PCNT: variants seen among roughly 807,000 people sequenced by gnomAD.
PCNT encodes the protein pericentrin, also known as kendrin.
Under a neutral mutation model 380.4 loss-of-function variants are expected in PCNT, and 319 were observed. The ratio of observed to expected loss-of-function variants is 0.84; its 90% confidence interval spans 0.77 to 0.92. The LOEUF (loss-of-function observed/expected upper bound fraction) is 0.92. PCNT is among the 40% of genes least tolerant of loss of function. The pLI is 0.00. For synonymous variants in PCNT, 1,845 were observed against 1,735.2 expected (o/e 1.06, Z -1.57); for missense variants, 4,400 against 4,255.3 (o/e 1.03, Z -0.95).
At chr21:46,368,943 G>A (rs2085024235) in intron 15 of PCNT, among the ~76,000 whole-genome samples, 1 of 152,256 alleles carries the variant, frequency 6.6e-6, no homozygotes, top group South Asian at 2.1e-4. Context: ...TGACTGTGGG[G>A]AACAGTTGTG....
chr21:46,354,216 G>C (rs1316345378), intron 11 of PCNT, 148 bp downstream of exon 11: 4 of 757,000 alleles, frequency 5.3e-6, no homozygotes, highest in Non-Finnish European at 9.3e-6. Flanking sequence ...CGACCTCACT[G>C]CTGCTCCGCG....
At chr21:46,385,647 CTG>C (rs2085803845) in intron 16 of PCNT, among the ~76,000 whole-genome samples, 183 bp from the exon 17 acceptor site, 1 of 152,212 alleles carries the variant, frequency 6.6e-6, no homozygotes, top group African/African-American at 2.4e-5. Context: ...CCTTTGACCA[CTG>C]TCAGTGGAAG....
chr21:46,407,872 T>C (rs962094798), intron 27 of PCNT, among the ~76,000 whole-genome samples: 1 of 152,196 alleles, frequency 6.6e-6, no homozygotes, highest in Non-Finnish European at 1.5e-5. Context: ...CTTTGATTTC[T>C]CCTCTTATTT....
chr21:46,328,708 A>C (rs1176394746), intron 2 of PCNT, among the ~76,000 whole-genome samples: 1 of 149,414 alleles, frequency 6.7e-6, no homozygotes, highest in Non-Finnish European at 1.5e-5. Flanking sequence ...CAATCCACCC[A>C]CCTTGGCCTC....
chr21:46,364,121 C>T lies in PCNT; in HGVS notation c.2609+187C>T, dbSNP rs567669426. Among the ~76,000 whole-genome samples the T allele has an allele frequency of 7.9e-5, 12 of 152,192 alleles. No homozygotes were observed. In the South Asian group the frequency reaches 1.9e-3, roughly 24 times the overall value. On this transcript the variant is annotated intron_variant, in intron 14 of 46. Transcript: ENST00000359568. ...GCAGTGGGACAGCTTTGTGCTCGGA[C>T]GGGCAGGCTGGCAGTTGCCATCCTG...
rs113177702 is a variant in PCNT at position 46,436,850 on chromosome 21, C to T, written c.8997-129C>T. The T allele has an allele frequency of 2.7e-4, 201 of 747,388 alleles. 2 individuals are homozygous for T. The highest frequency in any genetic ancestry group is 1.2e-3 in the Middle Eastern group (4 of 3,474). The allele number at this position is 747,388 out of a possible 1,614,324, so 46.3% of individuals were successfully genotyped here. A position where few individuals can be genotyped will look rare whatever the true frequency, so the allele number is the denominator to read the frequency against. ...CCCCTGGCTCTGCCTCACGGCTGGA[C>T]GAAGTGATTCACACACAGGCTCCTC... On this transcript the variant is annotated intron_variant, in intron 39 of 46. Transcript: ENST00000359568.
chr21:46,412,740 C>A, intron 28 of PCNT, 97 bp from the exon 29 acceptor site: 2 of 1,294,922 alleles, frequency 1.5e-6, no homozygotes, highest in Non-Finnish European at 1.1e-6. Context: ...GGCATCCCTG[C>A]TGGCTGCCGT....
intron 40 of PCNT, 100 bp downstream of exon 40, chr21:46,437,181 C>T (rs745661992): frequency 1.3e-6 from 1 of 776,392 alleles, no homozygotes; most frequent in Non-Finnish European, 2.2e-6. Context: ...CATTGTTCTT[C>T]CTCCCTCGCT....
At chr21:46,428,631 C>T (rs2147943017) in intron 35 of PCNT, 41 bp downstream of exon 35, 1 of 1,507,018 alleles carries the variant, frequency 6.6e-7, no homozygotes, top group Non-Finnish European at 9.0e-7. Context: ...CCGGCCTCTG[C>T]ACCTGCCCGC....
At chr21:46,356,347 G>A (rs1601823379) in intron 12 of PCNT, among the ~76,000 whole-genome samples, 2 of 152,326 alleles carry the variant, frequency 1.3e-5, no homozygotes, top group East Asian at 1.9e-4. Flanking sequence ...GTGGTGCAGC[G>A]GCGCCTGCAT....
chr21:46,411,081 T>A, intron 27 of PCNT, 108 bp from the exon 28 acceptor site: 1 of 1,158,876 alleles, frequency 8.6e-7, no homozygotes, highest in Non-Finnish European at 1.3e-6. Flanking sequence ...TTTTTCACGC[T>A]ATGGAGTCTT....
rs199936673 is a variant in PCNT, at chr21:46,428,589, G to T, written c.7689G>T (p.Gln2563His). 51 of 1,594,676 alleles carry T rather than the reference G, an allele frequency of 3.2e-5. No individual in the cohort carries two copies. The highest frequency in any genetic ancestry group is 4.2e-5 in the Non-Finnish European group (49 of 1,176,856). ...AGCAGGAGCACCAGCTGCGCAGGCAGGGTGGGTGTCACTGTCTACACTGCC... is the reference window on the plus strand; with the variant it reads ...AGCAGGAGCACCAGCTGCGCAGGCATGGTGGGTGTCACTGTCTACACTGCC... The part of the protein sequence containing the change: ...GSQQEHQLRR[Q>H]VELLAYKVEQ... The change falls in exon 35 of 47, where the codon CAG (glutamine) becomes CAT (histidine). Residue 2563 changes from glutamine to histidine, a missense_variant and splice_region_variant. Coordinates refer to ENST00000359568, the MANE Select transcript of PCNT (RefSeq NM_006031.6).
At chr21:46,329,973 C>T (rs970092332) in intron 2 of PCNT, among the ~76,000 whole-genome samples, 3 of 152,206 alleles carry the variant, frequency 2.0e-5, no homozygotes, top group African/African-American at 7.2e-5. Context: ...TCAGCAGAGA[C>T]ATACCTCCTC....
chr21:46,401,170 T>C (rs1185723959), intron 25 of PCNT, among the ~76,000 whole-genome samples: 1 of 152,262 alleles, frequency 6.6e-6, no homozygotes, highest in Non-Finnish European at 1.5e-5. Context: ...TTAAATATTG[T>C]TTGAAAAATT....
Position 46,425,971 on chromosome 21 carries a change from G to T in PCNT, c.7320G>T (p.Gln2440His). The T allele has an allele frequency of 1.2e-6, 2 of 1,613,246 alleles. No individual in the cohort carries two copies. Among genetic ancestry groups the T allele is most frequent in the Non-Finnish European group, 1.7e-6 (2 of 1,179,556 alleles). Residue 2440 changes from glutamine to histidine, a missense_variant and splice_region_variant, in exon 33 of 47, where the codon CAG becomes CAT. Physicochemically the swap from Gln to His is conservative, Grantham distance 24. Coordinates refer to ENST00000359568, the MANE Select transcript of PCNT (RefSeq NM_006031.6). This position sits in a 1 kb window ranked among gnomAD's most constrained non-coding sequence, Gnocchi z 4.2. Reference protein sequence around the residue: ...QDISLHGGKTQEVPTACPDWR... With the variant: ...QDISLHGGKTHEVPTACPDWR... ...TCTCGCTCCATGGGGGAAAGACGCA[G>T]GTTTATTTTGCCCTTCACACACTTC... is the stretch of plus-strand genomic sequence containing the variant.
chr21:46,380,778 CT>C (rs2085504573), intron 15 of PCNT, among the ~76,000 whole-genome samples: 1 of 152,160 alleles, frequency 6.6e-6, no homozygotes, highest in Non-Finnish European at 1.5e-5. Flanking sequence ...GTTTTTACCA[CT>C]TTTTCTTTTA....
At chr21:46,410,687 G>A (rs1569267258) in intron 27 of PCNT, among the ~76,000 whole-genome samples, 1 of 152,170 alleles carries the variant, frequency 6.6e-6, no homozygotes, top group African/African-American at 2.4e-5. Context: ...TGGTGTCACC[G>A]AGTGGCAGTG....
chr21:46,358,935 G>A (rs1169883903), intron 13 of PCNT, among the ~76,000 whole-genome samples: 2 of 152,100 alleles, frequency 1.3e-5, no homozygotes, highest in East Asian at 3.8e-4. Flanking sequence ...CGAGTAGCTG[G>A]GAAGACAGGT....
In PCNT at chr21:46,401,718, C is replaced by G; in HGVS notation, c.4959C>G (p.Ser1653Arg). 1 of 1,613,952 alleles carries G rather than the reference C, an allele frequency of 6.2e-7. No individual in the cohort carries two copies. The highest frequency in any genetic ancestry group is 8.5e-7 in the Non-Finnish European group (1 of 1,179,986). Residue 1653 changes from serine to arginine, a missense_variant, in exon 26 of 47, where the codon AGC becomes AGG. Coordinates refer to ENST00000359568, the MANE Select transcript of PCNT (RefSeq NM_006031.6). ...AGAGAGCACTCCTGCGGCGCGAGAG[C>G]GAGGTGAGTGCAGAGTGGGGCCATG... ...VTQRALLRRE[S>R]EVLDLKEQLE...
Sources: allele counts gnomAD v4.1 joint callset (sites outside exome capture counted in the v4.1 genomes callset), GRCh38; gene constraint gnomAD v4.1.1; non-coding constraint Gnocchi (gnomAD v3.1); transcripts MANE v1.5; gene names NCBI Gene and HGNC (gene_info 2026-07-23, HGNC 2026-07-21).